The following SLC35F1 variants were observed in gnomAD, a reference collection of about 807,000 sequenced individuals.
The protein encoded by SLC35F1 is chromosome 6 open reading frame 169.
SLC35F1 carries 14 observed loss-of-function variants against 48.7 expected under a neutral mutation model. That is an observed-to-expected ratio of 0.29 (90% CI 0.19 to 0.45). The LOEUF (loss-of-function observed/expected upper bound fraction) is 0.45. Among genes scored for constraint, SLC35F1 ranks in the 20% least tolerant of loss-of-function variants. SLC35F1 has a pLI of 1.00. For missense variants in SLC35F1, 404 were observed against 500.0 expected, an observed-to-expected ratio of 0.81 and a Z score of 1.83; for synonymous variants, 190 against 202.2, an observed-to-expected ratio of 0.94 and a Z score of 0.51.
At chr6:118,198,039 G>A (rs1025297775) in intron 2 of SLC35F1, among the ~76,000 whole-genome samples, 1 of 152,114 alleles carries the variant, frequency 6.6e-6, no homozygotes, top group African/African-American at 2.4e-5. Context: ...GCTTCTGAAT[G>A]CTTGTCCCCT....
At chr6:118,238,695 GAGAC>G (rs1775398884) in intron 3 of SLC35F1, among the ~76,000 whole-genome samples, 1 of 152,100 alleles carries the variant, frequency 6.6e-6, no homozygotes, top group Non-Finnish European at 1.5e-5. Flanking sequence ...TGTCCAATGA[GAGAC>G]AGAAAAGATG....
At chr6:118,231,715 A>G (rs1489276980) in intron 2 of SLC35F1, among the ~76,000 whole-genome samples, 1 of 152,228 alleles carries the variant, frequency 6.6e-6, no homozygotes, top group Non-Finnish European at 1.5e-5. Flanking sequence ...CTATGTAATG[A>G]AGAACACTTT....
intron 3 of SLC35F1, among the ~76,000 whole-genome samples, chr6:118,262,668 T>A (rs1775727497): frequency 6.6e-6 from 1 of 152,206 alleles, no homozygotes. Context: ...ATAGAGTAGA[T>A]ACAGTCATAA....
intron 1 of SLC35F1, among the ~76,000 whole-genome samples, chr6:117,997,261 A>T (rs897541392): frequency 2.0e-5 from 3 of 152,206 alleles, no homozygotes; most frequent in Non-Finnish European, 4.4e-5. Context: ...CCTCCAAGAA[A>T]TATGGGACTA....
intron 1 of SLC35F1, among the ~76,000 whole-genome samples, chr6:117,940,494 G>T (rs1424591355): frequency 2.0e-5 from 3 of 152,136 alleles, no homozygotes; most frequent in African/African-American, 7.2e-5. Context: ...ACATCTGGTT[G>T]TATATCCAAA....
At chr6:118,228,492 C>G (rs1212682429) in intron 2 of SLC35F1, among the ~76,000 whole-genome samples, 5 of 151,984 alleles carry the variant, frequency 3.3e-5, no homozygotes, top group African/African-American at 1.2e-4. Flanking sequence ...CACTTGAGCC[C>G]AGGAGTTTGA....
chr6:118,004,782 C>T (rs767641710), intron 1 of SLC35F1, among the ~76,000 whole-genome samples: 1 of 151,922 alleles, frequency 6.6e-6, no homozygotes, highest in Non-Finnish European at 1.5e-5. Context: ...GGGCTGGCCT[C>T]AAGTGATCCT....
intron 6 of SLC35F1, among the ~76,000 whole-genome samples, chr6:118,278,061 G>T (rs1346454705): frequency 1.3e-5 from 2 of 152,232 alleles, no homozygotes; most frequent in Admixed American, 1.3e-4. Flanking sequence ...AATGGATTTA[G>T]AAAATACCAG....
At chr6:118,243,561 G>A (rs773592622) in intron 3 of SLC35F1, among the ~76,000 whole-genome samples, 21 of 152,210 alleles carry the variant, frequency 1.4e-4, no homozygotes, top group Non-Finnish European at 2.5e-4. Flanking sequence ...TACAGTAAGC[G>A]TGATGATAAA....
chr6:118,180,073 T>C (rs1015143211), intron 2 of SLC35F1, among the ~76,000 whole-genome samples: 1 of 152,090 alleles, frequency 6.6e-6, no homozygotes, highest in African/African-American at 2.4e-5. Flanking sequence ...GCAAAATAAA[T>C]AGGAAAAACA....
intron 7 of SLC35F1, among the ~76,000 whole-genome samples, chr6:118,290,208 GT>G (rs140936569): frequency 0.099 from 14,529 of 146,116 alleles, 723 homozygotes; most frequent in Middle Eastern, 0.15. Flanking sequence ...ATATTTCAGT[GT>G]TTTTTTTTTC....
intron 1 of SLC35F1, among the ~76,000 whole-genome samples, chr6:118,071,118 C>CCT (rs1562281063): frequency 2.3e-5 from 1 of 44,060 alleles, no homozygotes; most frequent in African/African-American, 7.4e-5. Flanking sequence ...TATATATATA[C>CCT]ATATATACAT....
intron 1 of SLC35F1, among the ~76,000 whole-genome samples, chr6:117,946,926 G>A (rs1188985013): frequency 6.6e-6 from 1 of 152,112 alleles, no homozygotes; most frequent in Non-Finnish European, 1.5e-5. Flanking sequence ...TGCCTGCTCT[G>A]TGCCAAGCAC....
At chr6:118,206,846 T>C (rs1367852193) in intron 2 of SLC35F1, among the ~76,000 whole-genome samples, 2 of 152,194 alleles carry the variant, frequency 1.3e-5, no homozygotes, top group Non-Finnish European at 2.9e-5. Flanking sequence ...ACAATGCTTG[T>C]TTTCCCTGCT....
intron 1 of SLC35F1, among the ~76,000 whole-genome samples, chr6:117,916,674 C>T (rs1385361597): frequency 3.3e-5 from 5 of 152,214 alleles, no homozygotes; most frequent in African/African-American, 1.2e-4. Context: ...TACAGGACAG[C>T]AGCCCAGGTC....
At chr6:118,020,119 A>AT (rs1274697424) in intron 1 of SLC35F1, among the ~76,000 whole-genome samples, 1 of 152,244 alleles carries the variant, frequency 6.6e-6, no homozygotes, top group Admixed American at 6.5e-5. Context: ...ACCATAATGT[A>AT]TTTTTTTCTC....
At chr6:118,085,635 C>T (rs149921288) in intron 1 of SLC35F1, among the ~76,000 whole-genome samples, 16 of 151,490 alleles carry the variant, frequency 1.1e-4, no homozygotes, top group African/African-American at 3.6e-4. Context: ...TGTACCACCA[C>T]CAGACTACAG....
At chr6:118,077,514 A>AT (rs1406685642) in intron 1 of SLC35F1, among the ~76,000 whole-genome samples, 2 of 151,748 alleles carry the variant, frequency 1.3e-5, no homozygotes, top group Admixed American at 6.5e-5. Flanking sequence ...TCAAATATTC[A>AT]TTTTTTAAAG....
At chr6:118,063,414 A>C (rs1199488169) in intron 1 of SLC35F1, among the ~76,000 whole-genome samples, 1 of 150,918 alleles carries the variant, frequency 6.6e-6, no homozygotes, top group Admixed American at 6.6e-5. Flanking sequence ...AGGGGCAAAA[A>C]GTCTGTAAGG....
Sources: gnomAD v4.1 joint callset for allele counts (sites outside exome capture counted in the v4.1 genomes callset) on GRCh38, gnomAD v4.1.1 for gene constraint, MANE v1.5 for transcripts, NCBI Gene and HGNC (gene_info 2026-07-23, HGNC 2026-07-21) for gene names.